Variants in SVOP observed in about 807,000 individuals in gnomAD.
SVOP encodes synaptic vesicle 2-related protein.
Under a neutral mutation model 69.1 loss-of-function variants are expected in SVOP, and 17 were observed. The ratio of observed to expected loss-of-function variants is 0.25; its 90% CI spans 0.17 to 0.37. The LOEUF is 0.37. Ranked by LOEUF, SVOP falls within the 10% of genes least tolerant of loss-of-function variation. The pLI is 1.00. For synonymous variants in SVOP, 238 were observed against 238.6 expected (o/e 1.00, Z 0.02); for missense variants, 435 against 597.5 (o/e 0.73, Z 2.84).
chr12:108,977,591 A>C, intron 3 of SVOP, 95 bp from the exon 4 acceptor site: 1 of 785,450 alleles, frequency 1.3e-6, no homozygotes, highest in Admixed American at 2.1e-5. Flanking sequence ...AGACTGTAGC[A>C]CACCCCTCTC....
chr12:108,919,295 T>TTGGGACAATACCCACACC (rs1263941721), intron 13 of SVOP, among the ~76,000 whole-genome samples: 10 of 137,722 alleles, frequency 7.3e-5, no homozygotes, highest in Non-Finnish European at 1.2e-4. Context: ...GTACCCACAC[T>TTGGGACAATACCCACACC]TGGGCCAATA....
chr12:108,925,178 G>A (rs2039772766), intron 11 of SVOP, among the ~76,000 whole-genome samples: 1 of 152,104 alleles, frequency 6.6e-6, no homozygotes, highest in South Asian at 2.1e-4. Context: ...ATGTACCCCT[G>A]CCTTTAAAAA....
At chr12:108,965,062 A>T (rs2040037348) in intron 5 of SVOP, among the ~76,000 whole-genome samples, 1 of 152,190 alleles carries the variant, frequency 6.6e-6, no homozygotes, top group South Asian at 2.1e-4. Context: ...TTCATGCATA[A>T]AATATGCATA....
intron 10 of SVOP, 69 bp from the exon 11 acceptor site, chr12:108,934,340 T>A: frequency 2.2e-6 from 3 of 1,342,952 alleles, no homozygotes; most frequent in African/African-American, 1.4e-5. Flanking sequence ...CCTACCCCCT[T>A]GGGAAGGGCC....
At chr12:108,928,340 T>C (rs1271663319) in intron 11 of SVOP, among the ~76,000 whole-genome samples, 1 of 152,028 alleles carries the variant, frequency 6.6e-6, no homozygotes, top group African/African-American at 2.4e-5. Flanking sequence ...CTAGCGAAAA[T>C]GCACACCTTT....
chr12:108,974,361 G>T (rs1326985809), intron 4 of SVOP, among the ~76,000 whole-genome samples: 1 of 152,128 alleles, frequency 6.6e-6, no homozygotes, highest in Admixed American at 6.5e-5. Context: ...GGTCTATTGT[G>T]TACTACTAAA....
Position 108,955,244 on chromosome 12 carries a change from G to T in SVOP, c.578+5679C>A, listed in dbSNP as rs926454885. On this transcript the variant is annotated intron_variant, in intron 6 of 15. Coordinates refer to ENST00000610966, the MANE Select transcript of SVOP (RefSeq NM_018711.5). ...GCATCTCTCTGAGCATCCCTGGTAA[G>T]GGAATTTGATTTGCTCTTCTGTGAG... Among the ~76,000 whole-genome samples, 3 of 152,176 alleles carry T rather than the reference G, an allele frequency of 2.0e-5. No individual in the cohort carries two copies. In the East Asian group the frequency reaches 5.8e-4, roughly 29 times the overall value.
intron 1 of SVOP, among the ~76,000 whole-genome samples, chr12:108,986,753 C>T (rs1157041868): frequency 3.3e-5 from 5 of 150,180 alleles, no homozygotes; most frequent in African/African-American, 1.2e-4. Context: ...CTCACTCTGT[C>T]GCCAGTGCTC....
chr12:109,019,364 T>A (rs2040384065), intron 1 of SVOP, among the ~76,000 whole-genome samples: 1 of 152,180 alleles, frequency 6.6e-6, no homozygotes, highest in South Asian at 2.1e-4. Context: ...ACATGACCCT[T>A]TTGCAAAGTT....
chr12:109,004,879 A>T (rs1327552199), intron 1 of SVOP, among the ~76,000 whole-genome samples: 2 of 151,928 alleles, frequency 1.3e-5, no homozygotes, highest in Non-Finnish European at 2.9e-5. Context: ...CTGGGATTAC[A>T]GGTATCCACC....
At chr12:108,989,118 AG>A (rs2040183964) in intron 1 of SVOP, among the ~76,000 whole-genome samples, 1 of 151,208 alleles carries the variant, frequency 6.6e-6, no homozygotes, top group Admixed American at 6.6e-5. Flanking sequence ...TGCTCAGACT[AG>A]AGTGCAATGG....
chr12:108,961,305 G>A (rs757190540), intron 5 of SVOP, among the ~76,000 whole-genome samples: 3 of 152,074 alleles, frequency 2.0e-5, no homozygotes, highest in Non-Finnish European at 4.4e-5. Context: ...CAATACAGGA[G>A]ACAAAATAGA....
In SVOP at chr12:108,955,673, T is replaced by C. The variant is rs757171802; in HGVS notation, c.578+5250A>G. Among the ~76,000 whole-genome samples, 6 of 152,338 alleles carry C rather than the reference T, an allele frequency of 3.9e-5. No individual in the cohort carries two copies. In the Middle Eastern group the frequency reaches 0.01, roughly 259 times the overall value. ...ATATCTCCCCTGTCCCTGTTCTATC[T>C]ACAGTGATACCTTGAGTCATTCATC... On this transcript the variant is annotated intron_variant, in intron 6 of 15. Coordinates refer to ENST00000610966, the MANE Select transcript of SVOP (RefSeq NM_018711.5).
intron 12 of SVOP, 27 bp from the exon 13 acceptor site, chr12:108,919,813 C>T: frequency 6.7e-7 from 1 of 1,499,668 alleles, no homozygotes; most frequent in Non-Finnish European, 9.1e-7. Flanking sequence ...GAGAGATAGG[C>T]AGCTTCCGAT....
At chr12:109,018,231 A>G (rs1171292342) in intron 1 of SVOP, among the ~76,000 whole-genome samples, 2 of 152,238 alleles carry the variant, frequency 1.3e-5, no homozygotes, top group African/African-American at 4.8e-5. Flanking sequence ...ACAAAAAGGC[A>G]GAACTGGATG....
chr12:109,013,928 G>A (rs1405393804), intron 1 of SVOP, among the ~76,000 whole-genome samples: 1 of 151,812 alleles, frequency 6.6e-6, no homozygotes, highest in African/African-American at 2.4e-5. Context: ...ATATAAGTGG[G>A]ATCATGCTGT....
chr12:108,932,507 G>C (rs1194659502), intron 11 of SVOP, among the ~76,000 whole-genome samples: 7 of 152,186 alleles, frequency 4.6e-5, no homozygotes, highest in Admixed American at 3.9e-4. Context: ...GACAGCTCCA[G>C]TGTTGTGGGG....
chr12:108,985,840 T>C (rs1330132826), intron 1 of SVOP, among the ~76,000 whole-genome samples: 1 of 152,236 alleles, frequency 6.6e-6, no homozygotes, highest in Non-Finnish European at 1.5e-5. Flanking sequence ...CATCATTCCA[T>C]GTATTTCACC....
intron 12 of SVOP, among the ~76,000 whole-genome samples, chr12:108,921,175 T>C (rs2039745957): frequency 1.3e-5 from 2 of 152,188 alleles, no homozygotes; most frequent in African/African-American, 4.8e-5. Flanking sequence ...TTTCTTAAAG[T>C]CACAGAAATG....
Sources: gnomAD v4.1 joint callset for allele counts (sites outside exome capture counted in the v4.1 genomes callset) on GRCh38, gnomAD v4.1.1 for gene constraint, MANE v1.5 for transcripts, NCBI Gene and HGNC (gene_info 2026-07-23, HGNC 2026-07-21) for gene names.